Variants in PCDHA5 observed in about 807,000 individuals in gnomAD.
PCDHA5 encodes the protein protocadherin alpha 5.
In PCDHA5, 43 loss-of-function variants were observed where a neutral mutation model predicts 61.6. That is an observed-to-expected ratio of 0.70 (90% CI 0.55 to 0.90). The LOEUF is 0.90. Among genes scored for constraint, PCDHA5 ranks in the 40% least tolerant of loss-of-function variants. PCDHA5 has a pLI of 0.00. For synonymous variants in PCDHA5, 627 were observed against 543.9 expected (o/e 1.15, Z -2.13); for missense variants, 1,298 against 1,222.7 (o/e 1.06, Z -0.92).
At chr5:140,909,995 A>G (rs1315885700) in intron 1 of PCDHA5, among the ~76,000 whole-genome samples, 2 of 152,178 alleles carry the variant, frequency 1.3e-5, no homozygotes, top group African/African-American at 4.8e-5. Flanking sequence ...AACAGCATAA[A>G]TTGTTGTCAG....
rs372854727 is a variant in PCDHA5 at position 140,857,673 on chromosome 5, C to A, written c.2352+33546C>A. On this transcript the variant is annotated intron_variant, in intron 1 of 3. Transcript: ENST00000529859. Reference sequence around the variant, plus strand: ...GTGAGCGCGCGCGATGGGGGCGTGCCGCCTCTGGGCAGCAACTTGACGCTG... The same window carrying A: ...GTGAGCGCGCGCGATGGGGGCGTGCAGCCTCTGGGCAGCAACTTGACGCTG... 2.5e-6 allele frequency: 4 copies of A among 1,596,826 alleles called. 1 individual carries two copies. The highest frequency in any genetic ancestry group is 3.4e-6 in the Non-Finnish European group (4 of 1,167,768).
chr5:140,856,458 A>G, intron 1 of PCDHA5: 1 of 1,598,416 alleles, frequency 6.3e-7, no homozygotes, highest in South Asian at 1.1e-5. Context: ...GTAACAGAAC[A>G]AAAGCTCTCA....
chr5:140,965,029 A>G (rs1252337885), intron 1 of PCDHA5, among the ~76,000 whole-genome samples: 2 of 152,178 alleles, frequency 1.3e-5, no homozygotes, highest in Non-Finnish European at 2.9e-5. Context: ...GGCTCCTTTA[A>G]CTGTCCGCTC....
At chr5:140,951,343 G>C (rs2094573680) in intron 1 of PCDHA5, among the ~76,000 whole-genome samples, 1 of 151,988 alleles carries the variant, frequency 6.6e-6, no homozygotes, top group South Asian at 2.1e-4. Flanking sequence ...GTTTGTGTTA[G>C]TCCATTATTG....
intron 1 of PCDHA5, among the ~76,000 whole-genome samples, chr5:140,947,645 A>AT (rs2094157342): frequency 6.6e-6 from 1 of 151,670 alleles, no homozygotes; most frequent in East Asian, 1.9e-4. Context: ...GTATGAACAT[A>AT]TATACCTCCA....
intron 3 of PCDHA5, among the ~76,000 whole-genome samples, chr5:140,993,715 G>A (rs954129865): frequency 2.0e-5 from 3 of 152,060 alleles, no homozygotes; most frequent in Non-Finnish European, 4.4e-5. Flanking sequence ...TATTTTTACT[G>A]TACCTTTTCT....
intron 1 of PCDHA5, among the ~76,000 whole-genome samples, chr5:140,838,763 C>A (rs1486404457): frequency 6.6e-6 from 1 of 151,830 alleles, no homozygotes; most frequent in Non-Finnish European, 1.5e-5. Context: ...TTTGTAGAGA[C>A]TTTGTAAAAT....
chr5:140,909,545 C>T (rs2074570694), intron 1 of PCDHA5, among the ~76,000 whole-genome samples: 2 of 152,142 alleles, frequency 1.3e-5, no homozygotes, highest in African/African-American at 4.8e-5. Context: ...TTGATGGTGG[C>T]ACTAATCTCT....
rs2150393367 is a variant in PCDHA5, at chr5:140,846,648, A to T, written c.2352+22521A>T. 2.0e-5 allele frequency among the ~76,000 whole-genome samples: 3 copies of T among 149,386 alleles called. No individual in the cohort carries two copies. The South Asian group carries it at 6.4e-4, about 32-fold the overall frequency. On this transcript the variant is annotated intron_variant, in intron 1 of 3. Coordinates refer to ENST00000529859, the MANE Select transcript of PCDHA5 (RefSeq NM_018908.3). ...TTCGGCCTCCTAAAGTGCTGGGATT[A>T]CAGGCATGAGCCACCGCGCCCAGCC...
In PCDHA5 at chr5:140,835,839, A is replaced by G. The variant is rs2150246245; in HGVS notation, c.2352+11712A>G. On this transcript the variant is annotated intron_variant, in intron 1 of 3. Coordinates refer to ENST00000529859, the MANE Select transcript of PCDHA5 (RefSeq NM_018908.3). ...GTCGGCGGGGGACGCGGACGCGCAG[A>G]AGAACGCGCTGGTGTCCTACTCGCT... 1.9e-5 allele frequency: 31 copies of G among 1,612,256 alleles called. No individual in the cohort carries two copies. The Admixed American group carries it at 4.2e-4, about 22-fold the overall frequency.
At chr5:140,966,350 A>C in intron 1 of PCDHA5, 1 of 397,418 alleles carries the variant, frequency 2.5e-6, no homozygotes, top group Non-Finnish European at 4.4e-6. Flanking sequence ...GGTGAAGGAG[A>C]TGGGGCTGGA....
At chr5:141,008,347 G>A (rs551037675) in intron 3 of PCDHA5, among the ~76,000 whole-genome samples, 7 of 152,244 alleles carry the variant, frequency 4.6e-5, no homozygotes, top group South Asian at 2.1e-4. Flanking sequence ...AGCTTTTCAC[G>A]TGTCAACCAA....
chr5:140,933,945 T>A (rs1435633780), intron 1 of PCDHA5, among the ~76,000 whole-genome samples: 1 of 152,084 alleles, frequency 6.6e-6, no homozygotes, highest in Non-Finnish European at 1.5e-5. Flanking sequence ...TTTTCACATC[T>A]GCAGGATCTG....
intron 1 of PCDHA5, among the ~76,000 whole-genome samples, chr5:140,840,752 A>G (rs1776854454): frequency 6.6e-6 from 1 of 152,098 alleles, no homozygotes; most frequent in Non-Finnish European, 1.5e-5. Context: ...ATAAGAACAC[A>G]AGAAGATAAA....
chr5:140,978,794 T>A, intron 1 of PCDHA5, 155 bp from the exon 2 acceptor site: 1 of 978,746 alleles, frequency 1.0e-6, no homozygotes, highest in Non-Finnish European at 1.2e-6. Flanking sequence ...GTGCTATATA[T>A]GTAGATATCA....
chr5:140,862,892 CTT>C (rs1554157185), intron 1 of PCDHA5: 2 of 562,274 alleles, frequency 3.6e-6, no homozygotes, highest in South Asian at 1.4e-5. Flanking sequence ...GGAACGACAA[CTT>C]TGTCTGCGCT....
intron 1 of PCDHA5, chr5:140,854,299 C>A: frequency 2.4e-6 from 1 of 414,144 alleles, no homozygotes; most frequent in Non-Finnish European, 3.2e-6. Context: ...TTATTTTGTG[C>A]GTGGAGATGA....
chr5:140,858,618 C>T (rs781842612), intron 1 of PCDHA5: 2 of 1,160,992 alleles, frequency 1.7e-6, no homozygotes, highest in South Asian at 1.6e-5. Context: ...TTTTATCCTA[C>T]CCAGTGTGTC....
chr5:140,833,414 G>A (rs1408450757), intron 1 of PCDHA5, among the ~76,000 whole-genome samples: 1 of 152,196 alleles, frequency 6.6e-6, no homozygotes, highest in Non-Finnish European at 1.5e-5. Flanking sequence ...AAGGGCTGCT[G>A]TATGTGAGAT....
Sources: allele counts gnomAD v4.1 joint callset (sites outside exome capture counted in the v4.1 genomes callset), GRCh38; gene constraint gnomAD v4.1.1; transcripts MANE v1.5; gene names NCBI Gene and HGNC (gene_info 2026-07-23, HGNC 2026-07-21).